Variants in ADGB observed in about 807,000 individuals in gnomAD.
The protein encoded by ADGB is androglobin.
In ADGB, 172 loss-of-function variants were observed where a neutral mutation model predicts 210.5. The observed-to-expected ratio is 0.82, with a 90% confidence interval of 0.72 to 0.93. The LOEUF (loss-of-function observed/expected upper bound fraction) is 0.93, where lower values mean the gene tolerates loss of function less well. Ranked by LOEUF, ADGB falls within the 40% of genes least tolerant of loss-of-function variation. The pLI is 0.00. For synonymous variants in ADGB, 658 were observed against 662.7 expected (o/e 0.99, Z 0.11); for missense variants, 2,025 against 1,964.8 (o/e 1.03, Z -0.58).
At chr6:146,657,381 C>G (rs1483859450) in intron 5 of ADGB, among the ~76,000 whole-genome samples, 1 of 151,806 alleles carries the variant, frequency 6.6e-6, no homozygotes, top group Non-Finnish European at 1.5e-5. Context: ...GGAAGGTTGC[C>G]TTGCACACCA....
rs569064344 is a variant in ADGB, at chr6:146,767,574, T to C, written c.3751-1446T>C. 3.9e-5 allele frequency among the ~76,000 whole-genome samples: 6 copies of C among 152,268 alleles called. No individual in the cohort carries two copies. The East Asian group carries it at 5.8e-4, about 15-fold the overall frequency. ...ATCTCCACCTACGGGGTTCAAGTGA[T>C]TCTCTCGTCTCAGCCTCTGGAGTAG... On this transcript the variant is annotated intron_variant, in intron 28 of 35. Transcript: ENST00000397944.
chr6:146,700,082 G>A (rs190140925), intron 12 of ADGB, among the ~76,000 whole-genome samples: 15 of 152,304 alleles, frequency 9.8e-5, no homozygotes, highest in African/African-American at 2.9e-4. Context: ...TTCATCCTAC[G>A]TGATAGACAT....
intron 28 of ADGB, among the ~76,000 whole-genome samples, chr6:146,768,478 G>A (rs888563840): frequency 6.6e-6 from 1 of 152,082 alleles, no homozygotes; most frequent in Non-Finnish European, 1.5e-5. Flanking sequence ...ATAAACCAAT[G>A]AAGAAAAGAT....
At chr6:146,646,595 A>G (rs2876656) in intron 3 of ADGB, among the ~76,000 whole-genome samples, 13,764 of 152,158 alleles carry the variant, frequency 0.09, 657 homozygotes, top group East Asian at 0.13. Context: ...ACCTGAAAAG[A>G]AACCTTTCAG....
chr6:146,602,177 A>C (rs991856628), intron 1 of ADGB, among the ~76,000 whole-genome samples: 1 of 152,186 alleles, frequency 6.6e-6, no homozygotes, highest in Non-Finnish European at 1.5e-5. Context: ...TCACTCTGGC[A>C]TCAATTTTTT....
intron 1 of ADGB, among the ~76,000 whole-genome samples, chr6:146,626,095 G>A (rs1015632276): frequency 2.6e-5 from 4 of 151,334 alleles, no homozygotes; most frequent in Admixed American, 6.6e-5. Context: ...GTTATTTGGG[G>A]TATTTCTGTA....
chr6:146,739,815 G>T lies in ADGB; in HGVS notation c.2889-644G>T, dbSNP rs572369476. Among the ~76,000 whole-genome samples the T allele has an allele frequency of 5.9e-5, 9 of 152,242 alleles. No homozygotes were observed. In the South Asian group the frequency reaches 1.9e-3, roughly 32 times the overall value. On this transcript the variant is annotated intron_variant, in intron 23 of 35. Coordinates refer to ENST00000397944, the MANE Select transcript of ADGB (RefSeq NM_024694.4). ...ATCCAGTTTCTGGCAGAATAGGAGG[G>T]ATAAGACCTGGAAAATCCATCACAT...
At chr6:146,694,466 A>T (rs1776377897) in intron 12 of ADGB, among the ~76,000 whole-genome samples, 1 of 152,092 alleles carries the variant, frequency 6.6e-6, no homozygotes, top group Non-Finnish European at 1.5e-5. Context: ...CAAAGGCCTC[A>T]CCTCTTAATA....
intron 23 of ADGB, 33 bp from the exon 24 acceptor site, chr6:146,740,426 C>T: frequency 2.0e-6 from 3 of 1,479,024 alleles, no homozygotes; most frequent in Non-Finnish European, 2.7e-6. Context: ...GTGGCTTTTG[C>T]CATTGATACA....
chr6:146,803,613 G>A, intron 35 of ADGB: 1 of 1,344,326 alleles, frequency 7.4e-7, no homozygotes, highest in Non-Finnish European at 1.1e-6. Context: ...TCTTATCAGT[G>A]AAATTAGAGA....
At chr6:146,599,249 G>A (rs1780516293) in intron 1 of ADGB, 135 bp downstream of exon 1, 2 of 786,048 alleles carry the variant, frequency 2.5e-6, no homozygotes, top group Non-Finnish European at 4.3e-6. Context: ...GTCTTCTCTG[G>A]TAAACCAGAT....
intron 2 of ADGB, among the ~76,000 whole-genome samples, chr6:146,635,881 T>C (rs1391609171): frequency 6.6e-6 from 1 of 151,908 alleles, no homozygotes; most frequent in African/African-American, 2.4e-5. Flanking sequence ...AAAATGAAAA[T>C]CCACAGTGGA....
At chr6:146,725,885 G>A (rs891569896) in intron 18 of ADGB, 198 bp from the exon 19 acceptor site, 3 of 429,512 alleles carry the variant, frequency 7.0e-6, no homozygotes, top group Non-Finnish European at 1.3e-5. Flanking sequence ...TACATAATAA[G>A]TAAAGCGTAG....
chr6:146,723,911 A>G (rs570335593), intron 17 of ADGB, among the ~76,000 whole-genome samples: 1 of 152,320 alleles, frequency 6.6e-6, no homozygotes, highest in East Asian at 1.9e-4. Context: ...CTATACTACA[A>G]TGAAAAATGT....
chr6:146,807,195 G>A (rs259385), intron 35 of ADGB, among the ~76,000 whole-genome samples: 101,771 of 152,134 alleles, frequency 0.67, 35,379 homozygotes, highest in African/African-American at 0.87. Context: ...TTATTTTGCC[G>A]TACTGTGTTA....
At chr6:146,629,248 G>A (rs1781024781) in intron 1 of ADGB, among the ~76,000 whole-genome samples, 1 of 152,114 alleles carries the variant, frequency 6.6e-6, no homozygotes, top group African/African-American at 2.4e-5. Flanking sequence ...TCTGCCAGTG[G>A]ACTTCAAAGG....
At chr6:146,702,400 TTGC>T (rs796597709) in intron 13 of ADGB, among the ~76,000 whole-genome samples, 47 of 151,970 alleles carry the variant, frequency 3.1e-4, no homozygotes, top group African/African-American at 1.1e-3. Context: ...ATGCCTGAGG[TTGC>T]TATTTTTGGA....
In ADGB at chr6:146,721,444, T is replaced by C. The variant is rs1356628645; in HGVS notation, c.2034T>C (p.Ser678=). Reference sequence around the variant, plus strand: ...TGTCCTACTATCTATTTGTAGATAGTCTAAAACCTATTGAACTACTGGTTT... The same window carrying C: ...TGTCCTACTATCTATTTGTAGATAGCCTAAAACCTATTGAACTACTGGTTT... ...ERVSYYLFVD[S]LKPIELLVCF... The change falls in exon 17 of 36, where the codon AGT becomes AGC. Residue 678 remains serine (S), a synonymous_variant. Coordinates refer to ENST00000397944, the MANE Select transcript of ADGB (RefSeq NM_024694.4). 1.9e-6 allele frequency: 3 copies of C among 1,551,264 alleles called. No individual in the cohort carries two copies. The highest frequency in any genetic ancestry group is 2.7e-5 in the African/African-American group (2 of 73,024).
At chr6:146,646,399 A>G (rs1183264316) in intron 3 of ADGB, among the ~76,000 whole-genome samples, 1 of 152,142 alleles carries the variant, frequency 6.6e-6, no homozygotes, top group African/African-American at 2.4e-5. Flanking sequence ...ATAGAGGTAG[A>G]CAGGTGTTTA....
Sources: allele counts gnomAD v4.1 joint callset (sites outside exome capture counted in the v4.1 genomes callset), GRCh38; gene constraint gnomAD v4.1.1; transcripts MANE v1.5; gene names NCBI Gene and HGNC (gene_info 2026-07-23, HGNC 2026-07-21).